The following NWD2 variants were observed in gnomAD, a reference collection of about 807,000 sequenced individuals.
NWD2 encodes the protein NACHT and WD repeat domain containing 2, also known as NACHT and WD repeat domain-containing protein 2.
In NWD2, 37 loss-of-function variants were observed where a neutral mutation model predicts 132.7. The ratio of observed to expected loss-of-function variants is 0.28; its 90% CI spans 0.21 to 0.37. NWD2 has a LOEUF of 0.37. Ranked by LOEUF, NWD2 falls within the 10% of genes least tolerant of loss-of-function variation. The pLI is 1.00. For missense variants in NWD2, 1,592 were observed against 2,122.4 expected (o/e 0.75, Z 4.91); for synonymous variants, 705 against 803.0 (o/e 0.88, Z 2.06).
chr4:37,244,941 G>C lies in NWD2; in HGVS notation c.-127G>C. On this transcript the variant is annotated 5_prime_UTR_variant, in exon 1 of 7. Coordinates refer to ENST00000309447, the MANE Select transcript of NWD2 (RefSeq NM_001144990.2). The surrounding 1 kb of genome is among the most constrained non-coding windows in gnomAD (Gnocchi z 5.5). Reference sequence around the variant, plus strand: ...AGCTCGCCAAAGGCGCTTCGGGCTCGGAGCGGCTCTGAGCCGCGCCGCCTG... The same window carrying C: ...AGCTCGCCAAAGGCGCTTCGGGCTCCGAGCGGCTCTGAGCCGCGCCGCCTG... 1.6e-6 allele frequency: 2 copies of C among 1,285,476 alleles called. No homozygotes were observed. The highest frequency in any genetic ancestry group is 2.7e-4 in the Middle Eastern group (1 of 3,686). The allele number at this position is 1,285,476 out of a possible 1,614,324, so 79.6% of individuals were successfully genotyped here. A position where few individuals can be genotyped will look rare whatever the true frequency, so the allele number is the denominator to read the frequency against.
chr4:37,267,438 T>A (rs1049723080), intron 1 of NWD2, among the ~76,000 whole-genome samples: 2 of 151,952 alleles, frequency 1.3e-5, no homozygotes, highest in East Asian at 1.9e-4. Context: ...AGCAACCCCA[T>A]CAGAGCCCAC....
intron 1 of NWD2, among the ~76,000 whole-genome samples, chr4:37,256,052 G>A (rs1717512679): frequency 6.6e-6 from 1 of 152,190 alleles, no homozygotes; most frequent in African/African-American, 2.4e-5. Context: ...CCTGGAAGTC[G>A]GGTAAGTCTA....
chr4:37,363,937 C>G (rs761950766), intron 3 of NWD2, among the ~76,000 whole-genome samples: 2 of 149,308 alleles, frequency 1.3e-5, no homozygotes, highest in African/African-American at 4.9e-5. Context: ...GCCTGGCCAA[C>G]GTGGTGAAAC....
chr4:37,422,183 A>T (rs1234070207), intron 3 of NWD2, among the ~76,000 whole-genome samples: 1 of 152,198 alleles, frequency 6.6e-6, no homozygotes, highest in Non-Finnish European at 1.5e-5. Flanking sequence ...ACTGAATTTA[A>T]GTAACTCAAT....
At chr4:37,430,899 C>A (rs1307940255) in intron 4 of NWD2, 124 bp downstream of exon 4, 1 of 774,312 alleles carries the variant, frequency 1.3e-6, no homozygotes. Context: ...GCCCTAGGCC[C>A]CAGGTTTTCC....
intron 3 of NWD2, among the ~76,000 whole-genome samples, chr4:37,393,822 C>T (rs1002570061): frequency 6.6e-6 from 1 of 152,216 alleles, no homozygotes; most frequent in Non-Finnish European, 1.5e-5. Flanking sequence ...AGGCTCAGCT[C>T]CATTGGGCCA....
chr4:37,250,834 T>C (rs1457927325), intron 1 of NWD2, among the ~76,000 whole-genome samples: 1 of 152,240 alleles, frequency 6.6e-6, no homozygotes, highest in Non-Finnish European at 1.5e-5. Flanking sequence ...ACCTAGATGA[T>C]ACCGTTTACT....
At chr4:37,335,888 A>G (rs1272918743) in intron 2 of NWD2, among the ~76,000 whole-genome samples, 2 of 149,188 alleles carry the variant, frequency 1.3e-5, no homozygotes, top group East Asian at 3.9e-4. Context: ...ATGGTGGTTG[A>G]TCGATTTCAA....
At chr4:37,438,277 G>GA (rs961210439) in intron 5 of NWD2, among the ~76,000 whole-genome samples, 30 of 148,848 alleles carry the variant, frequency 2.0e-4, no homozygotes, top group South Asian at 4.2e-4. Flanking sequence ...AAAAAAAAAA[G>GA]AAAAAAAAAT....
At position 37,445,240 on chromosome 4, in the gene NWD2, C is replaced by T. The variant is rs1037192155; in HGVS notation, c.3252C>T (p.Ile1084=). Residue 1084 remains isoleucine (I), a synonymous_variant, in exon 7 of 7, where the codon ATC becomes ATT. Transcript: ENST00000309447. This position sits in a 1 kb window ranked among gnomAD's most constrained non-coding sequence, Gnocchi z 4.7. ...AAGCCAGCAAAGATGTCACTGTCAT[C>T]GATCTGCTGTACGGATGGCCGCTTT... ...WLEASKDVTV[I]DLLYGWPLYQ... is the part of the protein sequence containing the mutation. 2.7e-5 allele frequency: 42 copies of T among 1,551,768 alleles called. No homozygotes were observed. The highest frequency in any genetic ancestry group is 3.1e-5 in the Non-Finnish European group (36 of 1,147,042).
intron 1 of NWD2, among the ~76,000 whole-genome samples, chr4:37,255,552 T>G (rs1227895617): frequency 6.6e-6 from 1 of 152,192 alleles, no homozygotes; most frequent in Non-Finnish European, 1.5e-5. Context: ...AGAGTAGGGT[T>G]TATTTAGATA....
chr4:37,338,930 G>T (rs1033205442), intron 2 of NWD2, among the ~76,000 whole-genome samples: 1 of 152,212 alleles, frequency 6.6e-6, no homozygotes, highest in Non-Finnish European at 1.5e-5. Flanking sequence ...AGGATTTGTT[G>T]TGCTACCCTT....
chr4:37,402,162 A>G lies in NWD2; in HGVS notation c.358-28410A>G, dbSNP rs28621456. On this transcript the variant is annotated intron_variant, in intron 3 of 6. Coordinates refer to ENST00000309447, the MANE Select transcript of NWD2 (RefSeq NM_001144990.2). Reference sequence around the variant, plus strand: ...TATGCCATGTTATGACACAGCAAGAAGGGCCACACCAGATGCTGAGGAGAT... The same window carrying G: ...TATGCCATGTTATGACACAGCAAGAGGGGCCACACCAGATGCTGAGGAGAT... Among the ~76,000 whole-genome samples, 749 of 152,334 alleles carry G rather than the reference A, an allele frequency of 4.9e-3. 4 individuals are homozygous for G. The highest frequency in any genetic ancestry group is 0.017 in the African/African-American group (700 of 41,572).
At chr4:37,419,893 G>A (rs1167588958) in intron 3 of NWD2, among the ~76,000 whole-genome samples, 1 of 152,102 alleles carries the variant, frequency 6.6e-6, no homozygotes, top group Non-Finnish European at 1.5e-5. Flanking sequence ...AAATCTTTCT[G>A]CAAATTGGAT....
At chr4:37,420,374 A>G (rs1447702759) in intron 3 of NWD2, among the ~76,000 whole-genome samples, 1 of 152,184 alleles carries the variant, frequency 6.6e-6, no homozygotes, top group Non-Finnish European at 1.5e-5. Context: ...CCATGCAGGT[A>G]TCTGACTGCT....
At chr4:37,419,503 T>A (rs746402844) in intron 3 of NWD2, among the ~76,000 whole-genome samples, 1 of 152,198 alleles carries the variant, frequency 6.6e-6, no homozygotes. Context: ...TCTATCCATC[T>A]GACACAGGGC....
intron 3 of NWD2, among the ~76,000 whole-genome samples, chr4:37,394,799 G>GTTTTTTTTTT (rs1175840735): frequency 0.022 from 1,162 of 52,550 alleles, 301 homozygotes; most frequent in African/African-American, 0.045. Context: ...AACCTTTATG[G>GTTTTTTTTTT]TTTTTTTTTT....
At chr4:37,412,035 A>T (rs1407818820) in intron 3 of NWD2, among the ~76,000 whole-genome samples, 1 of 152,224 alleles carries the variant, frequency 6.6e-6, no homozygotes. Context: ...ATCATACTGA[A>T]TGGGCAAAAA....
intron 1 of NWD2, among the ~76,000 whole-genome samples, chr4:37,260,110 A>C (rs949452966): frequency 6.6e-6 from 1 of 152,192 alleles, no homozygotes; most frequent in African/African-American, 2.4e-5. Flanking sequence ...GCCATTTAGA[A>C]GGGAGCAATT....
Sources: allele counts gnomAD v4.1 joint callset (sites outside exome capture counted in the v4.1 genomes callset), GRCh38; gene constraint gnomAD v4.1.1; non-coding constraint Gnocchi (gnomAD v3.1); transcripts MANE v1.5; gene names NCBI Gene and HGNC (gene_info 2026-07-23, HGNC 2026-07-21).